NAV2: variants seen among roughly 807,000 people sequenced by gnomAD.
NAV2 encodes the protein helicase, APC down-regulated 1.
Under a neutral mutation model 223.2 loss-of-function variants are expected in NAV2, and 54 were observed. That is an observed-to-expected ratio of 0.24 (90% CI 0.19 to 0.30). NAV2 has a LOEUF of 0.30. Among genes scored for constraint, NAV2 ranks in the 10% least tolerant of loss-of-function variants. The probability of loss-of-function intolerance (pLI) is 1.00; values close to 1 mark genes in which losing one functional copy is unlikely to be tolerated. For missense variants in NAV2, 2,806 were observed against 3,147.5 expected, an observed-to-expected ratio of 0.89 and a Z score of 2.60; for synonymous variants, 1,279 against 1,239.3, an observed-to-expected ratio of 1.03 and a Z score of -0.67.
At chr11:19,914,637 C>T (rs900850225) in intron 6 of NAV2, among the ~76,000 whole-genome samples, 2 of 151,762 alleles carry the variant, frequency 1.3e-5, no homozygotes, top group Admixed American at 1.3e-4. Context: ...CTCCGCTTCC[C>T]GGGTTCACGC....
chr11:19,849,490 C>G (rs905834803), intron 3 of NAV2, among the ~76,000 whole-genome samples: 1 of 152,204 alleles, frequency 6.6e-6, no homozygotes, highest in Non-Finnish European at 1.5e-5. Context: ...CCTCGAAGAG[C>G]CCTGGCGCCA....
At chr11:19,595,847 C>A (rs552731358) in intron 1 of NAV2, among the ~76,000 whole-genome samples, 2 of 151,526 alleles carry the variant, frequency 1.3e-5, no homozygotes, top group South Asian at 4.2e-4. Flanking sequence ...CAGGCATAAG[C>A]CACCATGCCT....
intron 10 of NAV2, among the ~76,000 whole-genome samples, chr11:19,971,178 G>A (rs979084384): frequency 1.3e-5 from 2 of 152,120 alleles, no homozygotes; most frequent in African/African-American, 2.4e-5. Flanking sequence ...CCACAGGCAC[G>A]TTTTTGAGTA....
intron 10 of NAV2, among the ~76,000 whole-genome samples, chr11:19,962,276 G>A (rs1392210073): frequency 1.3e-5 from 2 of 151,810 alleles, no homozygotes; most frequent in Non-Finnish European, 2.9e-5. Context: ...CTACATTATG[G>A]AGGATGATCT....
rs2057738746 is a variant in NAV2 at position 20,049,173 on chromosome 11, G to T, written c.4348G>T (p.Val1450Leu). The T allele has an allele frequency of 1.9e-6, 3 of 1,603,870 alleles. No homozygotes were observed. The highest frequency in any genetic ancestry group is 2.6e-6 in the Non-Finnish European group (3 of 1,174,324). The change falls in exon 15 of 38, where the codon GTG becomes TTG. Residue 1450 changes from valine (V) to leucine (L), a missense_variant. By Grantham distance (32) the Val-to-Leu change is conservative (BLOSUM62 1). Around this residue, in one of 4 missense-constraint regions of NAV2, gnomAD observed 742 missense variants for 777.9 expected, o/e 0.95. Transcript: ENST00000349880. ...GACTCCCTTTGTCAGAACTAACAGTGTGAAGACCACACTGTCAGAAAGGTT... is the reference window on the plus strand; with the variant it reads ...GACTCCCTTTGTCAGAACTAACAGTTTGAAGACCACACTGTCAGAAAGGTT... Reference protein sequence around the residue: ...SLTPFVRTNSVKTTLSESPLS... With the variant: ...SLTPFVRTNSLKTTLSESPLS...
chr11:19,972,196 T>G (rs1368165267), intron 10 of NAV2, among the ~76,000 whole-genome samples: 1 of 152,236 alleles, frequency 6.6e-6, no homozygotes, highest in Non-Finnish European at 1.5e-5. Flanking sequence ...ACATTGGGCC[T>G]TGAACATACT....
intron 1 of NAV2, among the ~76,000 whole-genome samples, chr11:19,401,323 G>A (rs889639993): frequency 5.3e-5 from 8 of 152,186 alleles, no homozygotes; most frequent in Admixed American, 3.3e-4. Flanking sequence ...CACTGACTGC[G>A]CCAGCAGCCA....
chr11:20,077,059 T>C (rs984982363), intron 22 of NAV2, among the ~76,000 whole-genome samples: 4 of 152,152 alleles, frequency 2.6e-5, no homozygotes, highest in Non-Finnish European at 4.4e-5. Context: ...AATATGAGCC[T>C]CTATTGTGAG....
chr11:19,582,415 G>A (rs914666160), intron 1 of NAV2, among the ~76,000 whole-genome samples: 80 of 152,274 alleles, frequency 5.3e-4, no homozygotes, highest in Non-Finnish European at 8.8e-4. Context: ...ATTGCTTTTG[G>A]TGTTTTAGAC....
At chr11:19,862,803 G>C (rs1048794105) in intron 3 of NAV2, among the ~76,000 whole-genome samples, 1 of 152,198 alleles carries the variant, frequency 6.6e-6, no homozygotes, top group Non-Finnish European at 1.5e-5. Flanking sequence ...TCGTGCATAA[G>C]GCTGTGACCT....
intron 10 of NAV2, among the ~76,000 whole-genome samples, chr11:19,955,489 T>C (rs1565637452): frequency 6.6e-6 from 1 of 152,206 alleles, no homozygotes; most frequent in Non-Finnish European, 1.5e-5. Context: ...TGTAGCACCA[T>C]TGAGTTTGAG....
At chr11:19,654,028 G>C (rs865781314) in intron 1 of NAV2, among the ~76,000 whole-genome samples, 6 of 152,158 alleles carry the variant, frequency 3.9e-5, no homozygotes, top group African/African-American at 1.4e-4. Flanking sequence ...AAGCTGATAA[G>C]CAACTTCAGC....
Position 20,045,044 on chromosome 11 carries a change from A to C in NAV2, c.3276A>C (p.Ser1092=). Residue 1092 remains serine (S), a synonymous_variant, in exon 14 of 38, where the codon TCA becomes TCC. Transcript: ENST00000349880. ...CCTCCCAGGTGAAGCGCTCCCCATC[A>C]GATGCAGGCCGGAGCAGTGGTGACG... The part of the protein sequence containing the change: ...PKASQVKRSP[S]DAGRSSGDES... 5 of 1,614,164 alleles carry C rather than the reference A, an allele frequency of 3.1e-6. No individual in the cohort carries two copies. The highest frequency in any genetic ancestry group is 2.5e-6 in the Non-Finnish European group (3 of 1,180,026).
At chr11:19,809,053 T>G (rs980310100) in intron 1 of NAV2, among the ~76,000 whole-genome samples, 9 of 152,212 alleles carry the variant, frequency 5.9e-5, no homozygotes, top group African/African-American at 2.2e-4. Flanking sequence ...ACTTATTGTT[T>G]GGGCACAAAT....
chr11:19,779,461 AC>A (rs764808385), intron 1 of NAV2, among the ~76,000 whole-genome samples: 1 of 152,206 alleles, frequency 6.6e-6, no homozygotes, highest in Non-Finnish European at 1.5e-5. Context: ...TTGTTCATTC[AC>A]TTATTGATTG....
chr11:19,741,753 G>A (rs7935205), intron 1 of NAV2, among the ~76,000 whole-genome samples: 142,903 of 145,930 alleles, frequency 0.98, 70,039 homozygotes, highest in East Asian at 1. Context: ...CCATTTATCC[G>A]TTGATAGACA....
At chr11:19,825,360 C>T (rs982322535) in intron 1 of NAV2, among the ~76,000 whole-genome samples, 3 of 144,668 alleles carry the variant, frequency 2.1e-5, no homozygotes, top group African/African-American at 7.6e-5. Flanking sequence ...TAGAGTGAGG[C>T]TTCCTGAATT....
chr11:19,828,980 G>T (rs962674690), intron 1 of NAV2, among the ~76,000 whole-genome samples: 2 of 152,220 alleles, frequency 1.3e-5, no homozygotes, highest in Non-Finnish European at 2.9e-5. Flanking sequence ...CGCAGTGTGT[G>T]TGTATGTGCA....
chr11:20,101,575 AC>A (rs2061644838), intron 32 of NAV2, among the ~76,000 whole-genome samples: 1 of 152,210 alleles, frequency 6.6e-6, no homozygotes, highest in African/African-American at 2.4e-5. Context: ...ACCAGCAAAC[AC>A]CTTCTCACAG....
Sources: gnomAD v4.1 joint callset for allele counts (sites outside exome capture counted in the v4.1 genomes callset) on GRCh38, gnomAD v4.1.1 for gene constraint, gnomAD v4.1.1 regional missense constraint, MANE v1.5 for transcripts, NCBI Gene and HGNC (gene_info 2026-07-23, HGNC 2026-07-21) for gene names.